Variants in GATA3 observed in about 807,000 individuals in gnomAD.
The protein encoded by GATA3 is GATA binding protein 3, also known as trans-acting T-cell-specific transcription factor GATA-3.
Under a neutral mutation model 36.0 loss-of-function variants are expected in GATA3, and 6 were observed. The observed-to-expected ratio is 0.17, with a 90% CI of 0.09 to 0.33. GATA3 has a LOEUF of 0.33. GATA3 is among the 10% of genes least tolerant of loss of function. The pLI is 1.00. For missense variants in GATA3, 514 were observed against 610.1 expected (o/e 0.84, Z 1.66); for synonymous variants, 326 against 273.0 (o/e 1.19, Z -1.92).
Position 8,058,809 on chromosome 10 carries a change from G to A in GATA3, c.746G>A (p.Cys249Tyr). 6.2e-7 allele frequency: 1 copy of A among 1,606,370 alleles called. No individual in the cohort carries two copies. ...LLGGSPTGFGCKSRPKARSST... is the reference protein window; with the variant it reads ...LLGGSPTGFGYKSRPKARSST... Reference sequence around the variant, plus strand: ...GGCGGCTCCCCCACCGGCTTCGGATGCAAGTCCAGGCCCAAGGCCCGGTCC... The same window carrying A: ...GGCGGCTCCCCCACCGGCTTCGGATACAAGTCCAGGCCCAAGGCCCGGTCC... The change falls in exon 3 of 6, where the codon TGC becomes TAC. Residue 249 changes from cysteine (C) to tyrosine (Y), a missense_variant. Around this residue, in one of 3 missense-constraint regions of GATA3, gnomAD observed 381 missense variants for 354.3 expected, o/e 1.08. Coordinates refer to ENST00000379328, the MANE Select transcript of GATA3 (RefSeq NM_001002295.2).
intron 3 of GATA3, 80 bp downstream of exon 3, chr10:8,058,921 C>T: frequency 2.2e-6 from 3 of 1,383,024 alleles, no homozygotes; most frequent in Non-Finnish European, 2.0e-6. Flanking sequence ...CCAGAGGGAC[C>T]CCTCAGGGGA....
chr10:8,063,939 G>A, intron 3 of GATA3, 54 bp from the exon 4 acceptor site: 2 of 1,613,690 alleles, frequency 1.2e-6, no homozygotes, highest in South Asian at 2.2e-5. Flanking sequence ...AATGCTGTCA[G>A]CTTTCCTGCG....
At chr10:8,048,841 C>A (rs1236992055), upstream of GATA3, among the ~76,000 whole-genome samples, 3 of 152,164 alleles carry the variant, frequency 2.0e-5, no homozygotes, top group South Asian at 2.1e-4. Context: ...GCACCCCTAC[C>A]TACCCAATTT....
intron 2 of GATA3, 106 bp downstream of exon 2, chr10:8,056,002 C>A: frequency 1.4e-6 from 2 of 1,429,770 alleles, no homozygotes; most frequent in Non-Finnish European, 1.9e-6. Context: ...CGAAAGCCCC[C>A]ATCTGCCGTT....
At chr10:8,046,854 G>C (rs1012937673) in intron 1 of GATA3, among the ~76,000 whole-genome samples, 1 of 152,028 alleles carries the variant, frequency 6.6e-6, no homozygotes, top group African/African-American at 2.4e-5. Context: ...GATCAAGCAG[G>C]AGGCCCTGCT....
intron 5 of GATA3, among the ~76,000 whole-genome samples, chr10:8,071,602 C>G (rs1483354611): frequency 6.6e-6 from 1 of 152,176 alleles, no homozygotes; most frequent in Non-Finnish European, 1.5e-5. Context: ...GTCTTCATGG[C>G]TGGGCTCCAG....
chr10:8,047,908 T>C (rs1257382299), intron 1 of GATA3, among the ~76,000 whole-genome samples: 2 of 151,568 alleles, frequency 1.3e-5, no homozygotes, highest in Non-Finnish European at 2.9e-5. Flanking sequence ...GGCACAAACA[T>C]GGATTTTTTT....
In GATA3 at chr10:8,064,149, G is replaced by T. The variant is rs778053991; in HGVS notation, c.924+11G>T. 1 of 1,614,060 alleles carries T rather than the reference G, an allele frequency of 6.2e-7. No homozygotes were observed. The highest frequency in any genetic ancestry group is 1.3e-5 in the African/African-American group (1 of 75,010). On this transcript the variant is annotated intron_variant, in intron 4 of 5. Coordinates refer to ENST00000379328, the MANE Select transcript of GATA3 (RefSeq NM_001002295.2). The stretch of plus-strand genomic sequence containing the variant: ...CCCAAGCGAAGGCTGGTAAGTTCTC[G>T]GGAAGGGATGGATTCCATGCTGACC...
upstream of GATA3, among the ~76,000 whole-genome samples, chr10:8,051,909 C>A (rs1386850935): frequency 6.6e-6 from 1 of 152,200 alleles, no homozygotes; most frequent in Admixed American, 6.5e-5. Context: ...CTCCCTTCCC[C>A]CTTCCTTCCC....
At position 8,058,757 on chromosome 10, in the gene GATA3, G is replaced by A; in HGVS notation, c.694G>A (p.Gly232Arg). The change falls in exon 3 of 6, where the codon GGA becomes AGA. Residue 232 changes from glycine (G) to arginine (R), a missense_variant. Physicochemically the swap from Gly to Arg is moderately radical, Grantham distance 125. Transcript: ENST00000379328. ...YPPYVPEYSS[G>R]LFPPSSLLGG... ...GCCCTACGTGCCCGAGTACAGCTCC[G>A]GACTCTTCCCCCCCAGCAGCCTGCT... 1.9e-6 allele frequency: 3 copies of A among 1,611,220 alleles called. No individual in the cohort carries two copies. The highest frequency in any genetic ancestry group is 2.5e-6 in the Non-Finnish European group (3 of 1,179,732).
chr10:8,063,021 C>T (rs564249398), intron 3 of GATA3, among the ~76,000 whole-genome samples: 1 of 152,216 alleles, frequency 6.6e-6, no homozygotes, highest in Non-Finnish European at 1.5e-5. Context: ...GCTTTCCAGC[C>T]TGGGCTGAGG....
chr10:8,066,338 C>T (rs561397563), intron 4 of GATA3, among the ~76,000 whole-genome samples: 1 of 151,992 alleles, frequency 6.6e-6, no homozygotes, highest in East Asian at 1.9e-4. Context: ...TCTTTTCTTT[C>T]TTAATCATCT....
intron 4 of GATA3, among the ~76,000 whole-genome samples, chr10:8,066,077 G>GT (rs11393359): frequency 0.54 from 80,340 of 149,094 alleles, 22,248 homozygotes; most frequent in East Asian, 0.7. Flanking sequence ...TGTTTTTTCT[G>GT]TTTTTTTTCT....
rs2131501330 is a variant in GATA3, at chr10:8,064,138, G to A, written c.924G>A (p.Leu308=). Residue 308 remains leucine, a splice_region_variant and synonymous_variant, in exon 4 of 6, where the codon CTG becomes CTA. Transcript: ENST00000379328. ...NRPLIKPKRR[L]SAARRAGTSC... The stretch of plus-strand genomic sequence containing the variant: ...CCCTCATTAAGCCCAAGCGAAGGCT[G>A]GTAAGTTCTCGGGAAGGGATGGATT... 1 of 1,614,124 alleles carries A rather than the reference G, an allele frequency of 6.2e-7. No individual in the cohort carries two copies. Among genetic ancestry groups the A allele is most frequent in the Non-Finnish European group, 8.5e-7 (1 of 1,180,034 alleles).
At position 8,055,917 on chromosome 10, in the gene GATA3, G is replaced by A. The variant is rs778031846; in HGVS notation, c.241+21G>A. On this transcript the variant is annotated intron_variant, in intron 2 of 5. Coordinates refer to ENST00000379328, the MANE Select transcript of GATA3 (RefSeq NM_001002295.2). This position sits in a 1 kb window ranked among gnomAD's most constrained non-coding sequence, Gnocchi z 5.4. ...CCACGGTGAGTGCGCCCGGGGTGCC[G>A]GGGCTCCCGCCGGCCGCTTCAGCCG... The A allele has an allele frequency of 6.4e-7, 1 of 1,551,026 alleles. No individual in the cohort carries two copies. Among genetic ancestry groups the A allele is most frequent in the Non-Finnish European group, 8.7e-7 (1 of 1,147,100 alleles).
At chr10:8,067,587 G>T (rs889975025) in intron 4 of GATA3, among the ~76,000 whole-genome samples, 3 of 152,202 alleles carry the variant, frequency 2.0e-5, no homozygotes, top group Non-Finnish European at 4.4e-5. Flanking sequence ...GGGAGGCCAA[G>T]GCGGGTAGAT....
At chr10:8,047,654 C>G (rs1334136918) in intron 1 of GATA3, among the ~76,000 whole-genome samples, 1 of 152,224 alleles carries the variant, frequency 6.6e-6, no homozygotes, top group Non-Finnish European at 1.5e-5. Context: ...CTGCCCGAGG[C>G]GTCCCGGCTG....
chr10:8,066,777 C>T (rs1832850623), intron 4 of GATA3, among the ~76,000 whole-genome samples: 1 of 152,154 alleles, frequency 6.6e-6, no homozygotes, highest in Non-Finnish European at 1.5e-5. Context: ...TATACTGTAC[C>T]TCCTGCTAGT....
chr10:8,072,112 G>T (rs777573554), intron 5 of GATA3, among the ~76,000 whole-genome samples: 31 of 152,160 alleles, frequency 2.0e-4, no homozygotes, highest in Non-Finnish European at 4.4e-5. Flanking sequence ...CATCGGTCAC[G>T]TTGCCTTCCT....
Sources: allele counts gnomAD v4.1 joint callset (sites outside exome capture counted in the v4.1 genomes callset), GRCh38; gene constraint gnomAD v4.1.1; regional missense constraint gnomAD v4.1.1; non-coding constraint Gnocchi (gnomAD v3.1); transcripts MANE v1.5; gene names NCBI Gene and HGNC (gene_info 2026-07-23, HGNC 2026-07-21).